DPP6: variants seen among roughly 807,000 people sequenced by gnomAD.
The protein encoded by DPP6 is dipeptidyl peptidase like 6.
In DPP6, 69 loss-of-function variants were observed where a neutral mutation model predicts 122.6. The observed-to-expected ratio is 0.56, with a 90% confidence interval of 0.46 to 0.69. DPP6 has a LOEUF of 0.69. DPP6 is among the 30% of genes least tolerant of loss of function. The pLI is 0.00. For missense variants in DPP6, 928 were observed against 1,116.9 expected (o/e 0.83, Z 2.41); for synonymous variants, 418 against 433.1 (o/e 0.97, Z 0.43).
At chr7:154,524,162 A>G (rs12533107) in intron 3 of DPP6, among the ~76,000 whole-genome samples, 4,342 of 152,338 alleles carry the variant, frequency 0.029, 99 homozygotes, top group East Asian at 0.087. Flanking sequence ...TAAGAAGTTG[A>G]TATCATAGTT....
intron 1 of DPP6, among the ~76,000 whole-genome samples, chr7:154,433,457 C>T (rs1293623180): frequency 6.6e-6 from 1 of 151,990 alleles, no homozygotes; most frequent in Non-Finnish European, 1.5e-5. Context: ...GCATGAGCCC[C>T]CTCGCCCGGC....
In DPP6 at chr7:154,653,267, T is replaced by C. The variant is rs148349123; in HGVS notation, c.680+15394T>C. ...AGCTCGGGAGACCAAGGTAGGAGGATGGCTTGAGACCAGGAGGTTGAAGCT... is the reference window on the plus strand; with the variant it reads ...AGCTCGGGAGACCAAGGTAGGAGGACGGCTTGAGACCAGGAGGTTGAAGCT... On this transcript the variant is annotated intron_variant, in intron 6 of 25. Transcript: ENST00000377770. Among the ~76,000 whole-genome samples, 150 of 152,342 alleles carry C rather than the reference T, an allele frequency of 9.8e-4. 2 individuals carry two copies. The highest frequency in any genetic ancestry group is 8.2e-4 in the Non-Finnish European group (56 of 68,030).
At position 154,241,727 on chromosome 7, in the gene DPP6, G is replaced by A. The variant is rs567362310; in HGVS notation, c.243+188664G>A. ...TCTTGAAATTTCCCGAAGCTAACAC[G>A]TGTCTAACCTGTTTCCCATATTATG... is the stretch of plus-strand genomic sequence containing the variant. On this transcript the variant is annotated intron_variant, in intron 1 of 25. Coordinates refer to ENST00000377770, the MANE Select transcript of DPP6 (RefSeq NM_130797.4). The surrounding 1 kb of genome is among the most constrained non-coding windows in gnomAD (Gnocchi z 9.0). Among the ~76,000 whole-genome samples the A allele has an allele frequency of 1.3e-5, 2 of 152,022 alleles. No individual in the cohort carries two copies. The highest frequency in any genetic ancestry group is 2.9e-5 in the Non-Finnish European group (2 of 68,024).
intron 1 of DPP6, among the ~76,000 whole-genome samples, chr7:154,034,674 A>G (rs1419189289): frequency 2.0e-5 from 3 of 151,878 alleles, no homozygotes; most frequent in African/African-American, 4.9e-5. Flanking sequence ...TTATTATTTT[A>G]TGGTTATTCT....
chr7:154,424,140 T>C (rs11760756), intron 1 of DPP6, among the ~76,000 whole-genome samples: 82,632 of 152,110 alleles, frequency 0.54, 25,769 homozygotes, highest in Non-Finnish European at 0.68. Flanking sequence ...CCTAGAAACC[T>C]TGCAATGTCA....
intron 5 of DPP6, among the ~76,000 whole-genome samples, chr7:154,599,505 T>A (rs1833298740): frequency 6.6e-6 from 1 of 150,884 alleles, no homozygotes; most frequent in Admixed American, 6.6e-5. Flanking sequence ...TTATTATTAT[T>A]ATTATTATTA....
intron 1 of DPP6, among the ~76,000 whole-genome samples, chr7:153,984,097 CACACACGT>C (rs2032195075): frequency 2.7e-5 from 4 of 146,792 alleles, no homozygotes; most frequent in East Asian, 2.0e-4. Context: ...CACACACACA[CACACACGT>C]GTCACAAGTG....
chr7:154,289,246 T>C (rs1023174273), intron 1 of DPP6, among the ~76,000 whole-genome samples: 3 of 152,204 alleles, frequency 2.0e-5, no homozygotes, highest in African/African-American at 7.2e-5. Flanking sequence ...TTCCGAGACT[T>C]GATAAGTCAT....
intron 2 of DPP6, among the ~76,000 whole-genome samples, chr7:154,460,181 G>A (rs1821172599): frequency 6.6e-6 from 1 of 151,778 alleles, no homozygotes; most frequent in East Asian, 1.9e-4. Context: ...GGGGTTTCGC[G>A]ATGTTGGCCA....
intron 1 of DPP6, among the ~76,000 whole-genome samples, chr7:154,345,373 T>C (rs2151069303): frequency 6.6e-6 from 1 of 152,332 alleles, no homozygotes; most frequent in Middle Eastern, 3.4e-3. Flanking sequence ...ACATTCATTC[T>C]ATATTTTAGA....
chr7:154,211,915 G>A (rs537256245), intron 1 of DPP6, among the ~76,000 whole-genome samples: 6 of 152,286 alleles, frequency 3.9e-5, no homozygotes, highest in South Asian at 2.1e-4. Flanking sequence ...ATGAATTGAC[G>A]TGGTGTTACT....
intron 6 of DPP6, among the ~76,000 whole-genome samples, chr7:154,658,220 C>T (rs1837397332): frequency 6.6e-6 from 1 of 152,160 alleles, no homozygotes; most frequent in African/African-American, 2.4e-5. Flanking sequence ...ATCAATTATA[C>T]CACATGCACC....
At chr7:154,508,045 A>G (rs1825791884) in intron 3 of DPP6, among the ~76,000 whole-genome samples, 1 of 152,186 alleles carries the variant, frequency 6.6e-6, no homozygotes. Flanking sequence ...GCTATGTATT[A>G]TTTGCTTTGT....
chr7:154,284,085 CA>C (rs986005594), intron 1 of DPP6, among the ~76,000 whole-genome samples: 9 of 139,600 alleles, frequency 6.4e-5, no homozygotes, highest in African/African-American at 1.8e-4. Flanking sequence ...GAAGCTGAGT[CA>C]GGGGGAGCTG....
the DPP6 span, among the ~76,000 whole-genome samples, chr7:153,801,468 G>A: frequency 6.6e-6 from 1 of 152,178 alleles, no homozygotes; most frequent in Non-Finnish European, 1.5e-5. Context: ...GAGGGAGAGC[G>A]GGAATGGACT....
intron 1 of DPP6, among the ~76,000 whole-genome samples, chr7:154,443,375 A>G (rs542194220): frequency 1.3e-5 from 2 of 152,310 alleles, no homozygotes; most frequent in South Asian, 2.1e-4. Context: ...AATGAAAGCC[A>G]TTCAACTTCT....
chr7:154,694,599 T>C (rs35231811), intron 7 of DPP6, among the ~76,000 whole-genome samples: 25,408 of 151,422 alleles, frequency 0.17, 2,708 homozygotes, highest in African/African-American at 0.3. Flanking sequence ...GCAACAAGAG[T>C]GAGACTCCAT....
At position 154,124,859 on chromosome 7, in the gene DPP6, G is replaced by A. The variant is rs139896998; in HGVS notation, c.243+71796G>A. On this transcript the variant is annotated intron_variant, in intron 1 of 25. Coordinates refer to ENST00000377770, the MANE Select transcript of DPP6 (RefSeq NM_130797.4). The stretch of plus-strand genomic sequence containing the variant: ...AAATGACACTCAGAGACATGGCCTG[G>A]ACTCGAAATAAAATGTGGGAGTAGT... Among the ~76,000 whole-genome samples, 1,519 of 152,290 alleles carry A rather than the reference G, an allele frequency of 1.0e-2. 12 individuals carry two copies. Among genetic ancestry groups the A allele is most frequent in the Non-Finnish European group, 0.015 (1,020 of 68,032 alleles).
At chr7:154,674,855 C>G (rs1174395172) in intron 7 of DPP6, among the ~76,000 whole-genome samples, 2 of 152,152 alleles carry the variant, frequency 1.3e-5, no homozygotes, top group Non-Finnish European at 2.9e-5. Flanking sequence ...TTCTCACAGC[C>G]ATGCTTCACA....
Sources: gnomAD v4.1 joint callset for allele counts (sites outside exome capture counted in the v4.1 genomes callset) on GRCh38, gnomAD v4.1.1 for gene constraint, Gnocchi (gnomAD v3.1) non-coding constraint, MANE v1.5 for transcripts, NCBI Gene and HGNC (gene_info 2026-07-23, HGNC 2026-07-21) for gene names.